The following TREM1 variants were observed in gnomAD, a reference collection of about 807,000 sequenced individuals.
TREM1 encodes the protein triggering receptor expressed on monocytes 1.
A neutral mutation model predicts 22.4 loss-of-function variants in TREM1; 16 were observed. The observed-to-expected ratio is 0.71, with a 90% CI of 0.48 to 1.08. The LOEUF is 1.08. Among genes scored for constraint, TREM1 ranks in the 50% least tolerant of loss-of-function variants. TREM1 has a pLI of 0.00. For synonymous variants in TREM1, 110 were observed against 111.6 expected (o/e 0.99, Z 0.09); for missense variants, 283 against 282.9 (o/e 1.00, Z 0.00).
downstream of TREM1, among the ~76,000 whole-genome samples, chr6:41,272,713 G>A (rs1767517954): frequency 6.6e-6 from 1 of 152,154 alleles, no homozygotes; most frequent in Non-Finnish European, 1.5e-5. Context: ...GGCTTTGCCT[G>A]AGTACCAGGT....
At chr6:41,285,976 C>T (rs1400293217) in intron 1 of TREM1, among the ~76,000 whole-genome samples, 2 of 152,216 alleles carry the variant, frequency 1.3e-5, no homozygotes, top group African/African-American at 2.4e-5. Flanking sequence ...GTGAATAAAG[C>T]CCGCATGCTT....
chr6:41,282,724 T>C lies in TREM1; in HGVS notation c.77A>G (p.Glu26Gly), dbSNP rs146832412. The C allele has an allele frequency of 3.7e-5, 60 of 1,613,622 alleles. No homozygotes were observed. The African/African-American group carries it at 7.3e-4, about 20-fold the overall frequency. ...SELRAATKLT[E>G]EKYELKEGQT... The stretch of plus-strand genomic sequence containing the variant: ...CCCCTCTTTCAGTTCATACTTTTCC[T>C]CAGTTAATTTAGTTGCAGCTCGGAG... The change falls in exon 2 of 4, where the codon GAG (glutamate) becomes GGG (glycine). Residue 26 changes from glutamate to glycine, a missense_variant. Coordinates refer to ENST00000244709, the MANE Select transcript of TREM1 (RefSeq NM_018643.5).
downstream of TREM1, among the ~76,000 whole-genome samples, chr6:41,273,401 A>T (rs935885261): frequency 9.2e-5 from 14 of 152,212 alleles, no homozygotes; most frequent in Non-Finnish European, 1.5e-5. Context: ...CATCACTGGC[A>T]TGGTTAGGCA....
rs1768175430 is a variant in TREM1 at position 41,286,487 on chromosome 6, G to A, written c.49+120C>T. ...AATTCTGGGTAGAGCAGCACGGTCT[G>A]CCATAACTACTGGTTGGCTCTATCT... On this transcript the variant is annotated intron_variant, in intron 1 of 3. Transcript: ENST00000244709. 1.0e-5 allele frequency: 10 copies of A among 977,300 alleles called. No homozygotes were observed. In the South Asian group the frequency reaches 1.3e-4, roughly 13 times the overall value. 60.5% of individuals were successfully genotyped at this position (977,300 alleles called of 1,614,324 possible).
At position 41,284,471 on chromosome 6, in the gene TREM1, G is replaced by A. The variant is rs1768071786; in HGVS notation, c.50-1720C>T. Among the ~76,000 whole-genome samples, 3 of 152,150 alleles carry A rather than the reference G, an allele frequency of 2.0e-5. No individual in the cohort carries two copies. The South Asian group carries it at 6.2e-4, about 32-fold the overall frequency. On this transcript the variant is annotated intron_variant, in intron 1 of 3. Transcript: ENST00000244709. The stretch of plus-strand genomic sequence containing the variant: ...AGCCTTGCTGATGGGAGGCCAAGCA[G>A]AGCGGAAGTGAGAAGACCAAGGTCC...
rs932538569 is a variant in TREM1, at chr6:41,275,910, A to G, written c.*215T>C. 1.0e-5 allele frequency: 6 copies of G among 575,998 alleles called. No homozygotes were observed. The highest frequency in any genetic ancestry group is 3.0e-5 in the Admixed American group (1 of 32,934). 35.7% of individuals were successfully genotyped at this position (575,998 alleles called of 1,614,324 possible). ...AAGGACCAAGCATGTTTGGGGCTGT[A>G]ACTTCTTTTCTGAGGCACAAATGCC... On this transcript the variant is annotated 3_prime_UTR_variant, in exon 4 of 4. Coordinates refer to ENST00000244709, the MANE Select transcript of TREM1 (RefSeq NM_018643.5).
chr6:41,284,048 C>T (rs1201296924), intron 1 of TREM1, among the ~76,000 whole-genome samples: 1 of 152,058 alleles, frequency 6.6e-6, no homozygotes, highest in African/African-American at 2.4e-5. Flanking sequence ...CTCAGCTGTG[C>T]TCCAAAGGAG....
chr6:41,285,819 C>T (rs6920954), intron 1 of TREM1, among the ~76,000 whole-genome samples: 9,152 of 152,298 alleles, frequency 0.06, 746 homozygotes, highest in African/African-American at 0.19. Context: ...AGCACAGGCT[C>T]TTCAAGGCAG....
chr6:41,270,797 G>A (rs914976549), downstream of TREM1, among the ~76,000 whole-genome samples: 5 of 152,224 alleles, frequency 3.3e-5, no homozygotes, highest in Middle Eastern at 3.4e-3. Flanking sequence ...TTGACCTTCT[G>A]GGTTCAAGTG....
rs959392303 is a variant in TREM1, at chr6:41,274,362, C to T, written c.*1763G>A. Among the ~76,000 whole-genome samples, 5 of 152,082 alleles carry T rather than the reference C, an allele frequency of 3.3e-5. No individual in the cohort carries two copies. On this transcript the variant is annotated 3_prime_UTR_variant, in exon 4 of 4. Coordinates refer to ENST00000244709, the MANE Select transcript of TREM1 (RefSeq NM_018643.5). The stretch of plus-strand genomic sequence containing the variant: ...CCTAAAGACCTCTGAAAAACATTGC[C>T]CTCATGTGTTCTGCCTCTCCTAGAG...
intron 1 of TREM1, 105 bp from the exon 2 acceptor site, chr6:41,282,856 T>C (rs2234236): frequency 0.1 from 110,320 of 1,056,986 alleles, 7,004 homozygotes; most frequent in East Asian, 0.29. Flanking sequence ...ACCACCCATA[T>C]TTCAGATGAG....
At chr6:41,270,505 T>C (rs183938541), downstream of TREM1, among the ~76,000 whole-genome samples, 13 of 150,082 alleles carry the variant, frequency 8.7e-5, no homozygotes, top group Admixed American at 7.2e-4. Context: ...CCTACCCATA[T>C]GGAGCAAATA....
chr6:41,282,611 G>A lies in TREM1; in HGVS notation c.190C>T (p.Pro64Ser), dbSNP rs562723882. ...CTCTCTGTGCATGCCAGGGTCTTGG[G>A]CATCTCTCCGTCCCTTATTATCTGC... ...AWQIIRDGEM[P>S]KTLACTERPS... The change falls in exon 2 of 4, where the codon CCC becomes TCC. Residue 64 changes from proline (P) to serine (S), a missense_variant. By Grantham distance (74) the Pro-to-Ser change is moderately conservative. Transcript: ENST00000244709. 28 of 1,614,194 alleles carry A rather than the reference G, an allele frequency of 1.7e-5. No homozygotes were observed. In the Middle Eastern group the frequency reaches 6.6e-4, roughly 38 times the overall value.
chr6:41,283,630 T>C (rs956333398), intron 1 of TREM1, among the ~76,000 whole-genome samples: 1 of 151,970 alleles, frequency 6.6e-6, no homozygotes, highest in Non-Finnish European at 1.5e-5. Context: ...GAGAATCACT[T>C]GAACCCGGGA....
At chr6:41,270,894 A>C (rs1767463812), downstream of TREM1, among the ~76,000 whole-genome samples, 1 of 152,120 alleles carries the variant, frequency 6.6e-6, no homozygotes, top group Non-Finnish European at 1.5e-5. Context: ...TTCTAGAAAC[A>C]GGGATCTCAC....
rs537527198 is a variant in TREM1 at position 41,279,546 on chromosome 6, C to A, written c.599+1415G>T. 18 of 985,280 alleles carry A rather than the reference C, an allele frequency of 1.8e-5. No homozygotes were observed. In the East Asian group the frequency reaches 1.0e-3, roughly 56 times the overall value. The allele number at this position is 985,280 out of a possible 1,614,324, so 61.0% of individuals were successfully genotyped here. On this transcript the variant is annotated intron_variant, in intron 3 of 3. Transcript: ENST00000244709. ...AAAAATTGACTCTTAGTAGATCATTCGTTTGATTTATTCCACAGAAGTTTA... is the reference window on the plus strand; with the variant it reads ...AAAAATTGACTCTTAGTAGATCATTAGTTTGATTTATTCCACAGAAGTTTA...
chr6:41,280,157 G>A (rs1381745232), intron 3 of TREM1: 4 of 942,136 alleles, frequency 4.2e-6, no homozygotes, highest in Non-Finnish European at 5.1e-6. Context: ...GACTAGAAGA[G>A]AATATGAGAA....
rs568102657 is a variant in TREM1 at position 41,278,859 on chromosome 6, C to T, written c.599+2102G>A. On this transcript the variant is annotated intron_variant, in intron 3 of 3. Coordinates refer to ENST00000244709, the MANE Select transcript of TREM1 (RefSeq NM_018643.5). ...GGCAGGAACGTAAGACCAATTCATGCTGAATCATGGAGCAACACCAAGGTC... is the reference window on the plus strand; with the variant it reads ...GGCAGGAACGTAAGACCAATTCATGTTGAATCATGGAGCAACACCAAGGTC... Among the ~76,000 whole-genome samples, 13 of 151,946 alleles carry T rather than the reference C, an allele frequency of 8.6e-5. No individual in the cohort carries two copies. In the South Asian group the frequency reaches 2.7e-3, roughly 32 times the overall value.
Position 41,281,014 on chromosome 6 carries a change from A to G in TREM1, c.546T>C (p.Asp182=), listed in dbSNP as rs2234240. ...TGATTTCAGAGTCAGGAGTGGAGACATCGGCAGTTGACTTGGGTGGAGCTT... is the reference window on the plus strand; with the variant it reads ...TGATTTCAGAGTCAGGAGTGGAGACGTCGGCAGTTGACTTGGGTGGAGCTT... ...VTQAPPKSTA[D]VSTPDSEINL... Residue 182 remains aspartate (D), a synonymous_variant, in exon 3 of 4, where the codon GAT becomes GAC. Transcript: ENST00000244709. 3,630 of 1,614,244 alleles carry G rather than the reference A, an allele frequency of 2.2e-3. 30 individuals carry two copies. Among genetic ancestry groups the G allele is most frequent in the Middle Eastern group, 0.019 (116 of 6,062 alleles).
Sources: allele counts gnomAD v4.1 joint callset (sites outside exome capture counted in the v4.1 genomes callset), GRCh38; gene constraint gnomAD v4.1.1; transcripts MANE v1.5; gene names NCBI Gene and HGNC (gene_info 2026-07-23, HGNC 2026-07-21).